Variants in RIT2 observed in about 807,000 individuals in gnomAD.
RIT2 encodes the protein Ras like without CAAX 2.
A neutral mutation model predicts 23.7 loss-of-function variants in RIT2; 24 were observed. That is an observed-to-expected ratio of 1.01 (90% confidence interval 0.73 to 1.43). RIT2 has a LOEUF of 1.43. RIT2 is among the 40% of genes most tolerant of loss of function. RIT2 has a pLI of 0.00. For missense variants in RIT2, 236 were observed against 266.9 expected (o/e 0.88, Z 0.81); for synonymous variants, 107 against 91.1 (o/e 1.17, Z -0.99).
intron 4 of RIT2, among the ~76,000 whole-genome samples, chr18:42,895,734 C>A (rs1456717067): frequency 1.3e-5 from 2 of 152,180 alleles, no homozygotes; most frequent in Non-Finnish European, 2.9e-5. Context: ...AGACACTTTC[C>A]TCTTGCATAG....
At chr18:42,958,243 G>T (rs1910018538) in intron 3 of RIT2, among the ~76,000 whole-genome samples, 3 of 152,158 alleles carry the variant, frequency 2.0e-5, no homozygotes, top group Admixed American at 6.6e-5. Flanking sequence ...ATGTAATTTT[G>T]CATTAGCATC....
At chr18:42,787,435 G>GAA (rs57497009) in intron 4 of RIT2, among the ~76,000 whole-genome samples, 74 of 150,288 alleles carry the variant, frequency 4.9e-4, no homozygotes, top group African/African-American at 1.5e-3. Flanking sequence ...TTTAAAAAAA[G>GAA]AAAAAAAAAG....
intron 1 of RIT2, among the ~76,000 whole-genome samples, chr18:43,092,939 C>T (rs1291819787): frequency 1.3e-5 from 2 of 151,982 alleles, no homozygotes; most frequent in Non-Finnish European, 2.9e-5. Flanking sequence ...TTATTTTTAT[C>T]ACTACATATT....
chr18:42,907,310 G>A lies in RIT2; in HGVS notation c.426+16262C>T, dbSNP rs141632985. On this transcript the variant is annotated intron_variant, in intron 4 of 4. Coordinates refer to ENST00000326695, the MANE Select transcript of RIT2 (RefSeq NM_002930.4). ...TGACTAGCAAAAGGCATAATATGGCGATTGTTTAAAAGTTCAAAGGGATGA... is the reference window on the plus strand; with the variant it reads ...TGACTAGCAAAAGGCATAATATGGCAATTGTTTAAAAGTTCAAAGGGATGA... 2.1e-3 allele frequency among the ~76,000 whole-genome samples: 320 copies of A among 152,240 alleles called. 2 individuals carry two copies. Among genetic ancestry groups the A allele is most frequent in the African/African-American group, 7.1e-3 (297 of 41,544 alleles).
chr18:42,887,204 G>C (rs1908045186), intron 4 of RIT2, among the ~76,000 whole-genome samples: 2 of 152,090 alleles, frequency 1.3e-5, no homozygotes, highest in Admixed American at 6.6e-5. Context: ...AATTGTAGGA[G>C]TTATTCAGAA....
chr18:42,902,682 T>A (rs1407517928), intron 4 of RIT2, among the ~76,000 whole-genome samples: 1 of 151,422 alleles, frequency 6.6e-6, no homozygotes, highest in African/African-American at 2.4e-5. Context: ...AGAAAAAAAA[T>A]AAATATGTTT....
intron 4 of RIT2, among the ~76,000 whole-genome samples, chr18:42,792,774 C>A (rs1248362881): frequency 1.3e-5 from 2 of 152,076 alleles, no homozygotes. Flanking sequence ...TTTTGTGTAA[C>A]CATAAATTCA....
intron 4 of RIT2, among the ~76,000 whole-genome samples, chr18:42,831,422 G>A (rs1906453820): frequency 6.6e-6 from 1 of 152,072 alleles, no homozygotes; most frequent in African/African-American, 2.4e-5. Context: ...TGTCCTTTGT[G>A]GCTAAGAATC....
At chr18:42,843,704 A>G (rs1335060810) in intron 4 of RIT2, among the ~76,000 whole-genome samples, 4 of 152,226 alleles carry the variant, frequency 2.6e-5, no homozygotes, top group Non-Finnish European at 5.9e-5. Flanking sequence ...ACCTATTTCT[A>G]TAGAACTTTG....
chr18:42,991,260 G>C (rs970361609), intron 2 of RIT2, among the ~76,000 whole-genome samples: 2 of 152,136 alleles, frequency 1.3e-5, no homozygotes, highest in African/African-American at 4.8e-5. Flanking sequence ...TCAAATATCA[G>C]CCATATAAGG....
chr18:42,823,859 T>G (rs1906222093), intron 4 of RIT2, among the ~76,000 whole-genome samples: 1 of 152,132 alleles, frequency 6.6e-6, no homozygotes, highest in African/African-American at 2.4e-5. Context: ...TTGAAGCTCA[T>G]GCTCTCCCTA....
At chr18:42,994,932 C>G (rs1043608238) in intron 2 of RIT2, among the ~76,000 whole-genome samples, 1 of 152,132 alleles carries the variant, frequency 6.6e-6, no homozygotes, top group Non-Finnish European at 1.5e-5. Flanking sequence ...GTTCCTGGCC[C>G]GGACTTCAAT....
chr18:43,096,711 G>A (rs1913562495), intron 1 of RIT2, among the ~76,000 whole-genome samples: 1 of 151,866 alleles, frequency 6.6e-6, no homozygotes, highest in Admixed American at 6.6e-5. Flanking sequence ...GTTGAGTGGT[G>A]GGGGTTCACA....
intron 4 of RIT2, among the ~76,000 whole-genome samples, chr18:42,827,811 C>T (rs914375583): frequency 1.6e-4 from 24 of 151,720 alleles, no homozygotes; most frequent in African/African-American, 5.8e-4. Context: ...CAAGACCATC[C>T]TGGCTAACAC....
At chr18:43,082,767 C>A (rs762371777) in intron 1 of RIT2, among the ~76,000 whole-genome samples, 5 of 151,918 alleles carry the variant, frequency 3.3e-5, no homozygotes, top group Non-Finnish European at 5.9e-5. Context: ...AAACCCATAC[C>A]CAATATCATA....
intron 4 of RIT2, among the ~76,000 whole-genome samples, chr18:42,921,336 T>C (rs1289105502): frequency 6.6e-6 from 1 of 152,186 alleles, no homozygotes; most frequent in Non-Finnish European, 1.5e-5. Context: ...TTTCTGTGAC[T>C]ATCTTGTTTA....
At chr18:43,048,124 A>G (rs974977463) in intron 1 of RIT2, among the ~76,000 whole-genome samples, 2 of 152,148 alleles carry the variant, frequency 1.3e-5, no homozygotes, top group African/African-American at 2.4e-5. Flanking sequence ...TTCCATGGAG[A>G]CATTTTCAGA....
chr18:42,946,138 C>A (rs1468575332), intron 3 of RIT2, among the ~76,000 whole-genome samples: 1 of 151,912 alleles, frequency 6.6e-6, no homozygotes, highest in Non-Finnish European at 1.5e-5. Context: ...AATATGTAGA[C>A]CCTATGAAAA....
At chr18:42,911,888 C>T (rs1261539154) in intron 4 of RIT2, among the ~76,000 whole-genome samples, 2 of 151,822 alleles carry the variant, frequency 1.3e-5, no homozygotes, top group African/African-American at 4.8e-5. Context: ...AAATTTTACA[C>T]AATTTCTTTC....
Sources: allele counts gnomAD v4.1 joint callset (sites outside exome capture counted in the v4.1 genomes callset), GRCh38; gene constraint gnomAD v4.1.1; transcripts MANE v1.5; gene names NCBI Gene and HGNC (gene_info 2026-07-23, HGNC 2026-07-21).